RANBP17: variants seen among roughly 807,000 people sequenced by gnomAD.
RANBP17 encodes the protein ran-binding protein 17.
Under a neutral mutation model 141.2 loss-of-function variants are expected in RANBP17, and 158 were observed. That is an observed-to-expected ratio of 1.12 (90% CI 0.98 to 1.28). The LOEUF (loss-of-function observed/expected upper bound fraction) is 1.28, where lower values mean the gene tolerates loss of function less well. RANBP17 is among the 50% of genes most tolerant of loss of function. The pLI is 0.00. For synonymous variants in RANBP17, 430 were observed against 450.0 expected (o/e 0.96, Z 0.56); for missense variants, 1,438 against 1,290.7 (o/e 1.11, Z -1.75).
chr5:171,062,618 G>A (rs1280591512), intron 14 of RANBP17, among the ~76,000 whole-genome samples: 1 of 152,100 alleles, frequency 6.6e-6, no homozygotes, highest in Non-Finnish European at 1.5e-5. Flanking sequence ...CAACTTTGGT[G>A]AATCTGACAA....
chr5:171,114,520 A>C (rs1040393835), intron 14 of RANBP17, among the ~76,000 whole-genome samples: 1 of 151,794 alleles, frequency 6.6e-6, no homozygotes, highest in East Asian at 1.9e-4. Context: ...TTGGGTATAA[A>C]TGTTTATATT....
At chr5:171,298,166 C>T (rs184372565) in intron 27 of RANBP17, among the ~76,000 whole-genome samples, 1 of 152,172 alleles carries the variant, frequency 6.6e-6, no homozygotes, top group Admixed American at 6.5e-5. Context: ...CCTAAATTCT[C>T]ACTTTCTGCA....
intron 14 of RANBP17, among the ~76,000 whole-genome samples, chr5:170,988,287 ATT>A (rs575208341): frequency 6.9e-6 from 1 of 144,028 alleles, no homozygotes; most frequent in Non-Finnish European, 1.5e-5. Flanking sequence ...TTGATGATTG[ATT>A]TTTTTTTTTT....
At chr5:171,096,785 A>G (rs946781128) in intron 14 of RANBP17, among the ~76,000 whole-genome samples, 2 of 152,170 alleles carry the variant, frequency 1.3e-5, no homozygotes, top group Non-Finnish European at 2.9e-5. Flanking sequence ...GGTTCTTATT[A>G]ACTTTTCTGA....
chr5:170,919,087 CTA>C (rs1293973906), intron 10 of RANBP17, among the ~76,000 whole-genome samples: 1 of 151,506 alleles, frequency 6.6e-6, no homozygotes, highest in African/African-American at 2.4e-5. Flanking sequence ...ATAATAAAAT[CTA>C]TGTGAAGAAA....
At chr5:171,203,842 C>T (rs1471168973) in intron 19 of RANBP17, among the ~76,000 whole-genome samples, 1 of 152,102 alleles carries the variant, frequency 6.6e-6, no homozygotes, top group Non-Finnish European at 1.5e-5. Flanking sequence ...TTATTTGAAG[C>T]ATAGCCTGAA....
Position 170,873,369 on chromosome 5 carries a change from G to T in RANBP17, c.19-4728G>T, listed in dbSNP as rs144513824. Among the ~76,000 whole-genome samples the T allele has an allele frequency of 6.9e-3, 1,050 of 152,318 alleles. 3 individuals are homozygous for T. The highest frequency in any genetic ancestry group is 0.011 in the Non-Finnish European group (735 of 68,030). ...GGTTGATGCTGGCCTCATAAAATGA[G>T]TTAGGGAGGAGTCCCTCCTTTTCAG... On this transcript the variant is annotated intron_variant, in intron 1 of 27. Transcript: ENST00000523189.
At chr5:171,065,707 C>T (rs1437192919) in intron 14 of RANBP17, among the ~76,000 whole-genome samples, 1 of 151,688 alleles carries the variant, frequency 6.6e-6, no homozygotes, top group African/African-American at 2.4e-5. Flanking sequence ...ATATTTTATT[C>T]CATTGATTTG....
intron 14 of RANBP17, among the ~76,000 whole-genome samples, chr5:171,062,414 T>G (rs1385074791): frequency 2.0e-5 from 3 of 152,210 alleles, no homozygotes; most frequent in African/African-American, 4.8e-5. Context: ...CTCCTTCACT[T>G]ATGAAGCTTA....
intron 14 of RANBP17, among the ~76,000 whole-genome samples, chr5:171,163,903 G>A (rs1246038957): frequency 1.3e-5 from 2 of 152,134 alleles, no homozygotes; most frequent in African/African-American, 4.8e-5. Flanking sequence ...CTTAAACAAT[G>A]CACTAAAGCT....
chr5:171,123,283 G>A (rs562447595), intron 14 of RANBP17, among the ~76,000 whole-genome samples: 16 of 152,272 alleles, frequency 1.1e-4, no homozygotes, highest in Admixed American at 3.3e-4. Flanking sequence ...ACCCAAGGAC[G>A]TACCTGCCCT....
chr5:171,294,061 C>G, intron 26 of RANBP17, 80 bp downstream of exon 26: 1 of 1,055,258 alleles, frequency 9.5e-7, no homozygotes, highest in Non-Finnish European at 1.5e-6. Flanking sequence ...GCTGTGATGA[C>G]GAAGGACAGA....
At chr5:171,043,505 TA>T (rs1447245438) in intron 14 of RANBP17, among the ~76,000 whole-genome samples, 5 of 152,150 alleles carry the variant, frequency 3.3e-5, no homozygotes, top group African/African-American at 1.2e-4. Flanking sequence ...TCATAGGCCA[TA>T]TGCCATTCAT....
rs530958300 is a variant in RANBP17, at chr5:170,926,130, A to G, written c.1468+1580A>G. Among the ~76,000 whole-genome samples the G allele has an allele frequency of 3.9e-5, 6 of 152,274 alleles. No homozygotes were observed. In the South Asian group the frequency reaches 1.2e-3, roughly 32 times the overall value. ...CATCAATCTCTATCAGGAAGTGGCA[A>G]ACTTTTTCTTAAAGTGCCAAATAGT... On this transcript the variant is annotated intron_variant, in intron 12 of 27. Transcript: ENST00000523189.
chr5:170,937,119 T>C (rs1773946770), intron 12 of RANBP17, among the ~76,000 whole-genome samples: 1 of 152,254 alleles, frequency 6.6e-6, no homozygotes, highest in African/African-American at 2.4e-5. Context: ...GTTTAGTTCA[T>C]TTGCTAGGTG....
At chr5:170,862,254 C>G (rs1203356748) in intron 1 of RANBP17, among the ~76,000 whole-genome samples, 1 of 151,986 alleles carries the variant, frequency 6.6e-6, no homozygotes, top group Non-Finnish European at 1.5e-5. Flanking sequence ...GGCCGGAGCC[C>G]GAGAAAGGGG....
Position 170,913,267 on chromosome 5 carries a change from A to G in RANBP17, c.761-900A>G, listed in dbSNP as rs550544544. On this transcript the variant is annotated intron_variant, in intron 7 of 27. Transcript: ENST00000523189. ...GGCACTTCAACACAAGATGACAGTG[A>G]AAGACATAGAAAGGCTACAGTTGTA... is the stretch of plus-strand genomic sequence containing the variant. Among the ~76,000 whole-genome samples, 7 of 152,196 alleles carry G rather than the reference A, an allele frequency of 4.6e-5. No homozygotes were observed. The South Asian group carries it at 1.4e-3, about 32-fold the overall frequency.
At chr5:170,962,342 T>A (rs1416988179) in intron 13 of RANBP17, among the ~76,000 whole-genome samples, 1 of 152,212 alleles carries the variant, frequency 6.6e-6, no homozygotes, top group Non-Finnish European at 1.5e-5. Flanking sequence ...ATCACCAGCT[T>A]AAAATGAGTT....
At chr5:170,888,867 G>A (rs1769372385) in intron 3 of RANBP17, among the ~76,000 whole-genome samples, 1 of 151,944 alleles carries the variant, frequency 6.6e-6, no homozygotes, top group African/African-American at 2.4e-5. Flanking sequence ...TGAGAAAGTT[G>A]TCCTCTATTC....
Sources: allele counts gnomAD v4.1 joint callset (sites outside exome capture counted in the v4.1 genomes callset), GRCh38; gene constraint gnomAD v4.1.1; transcripts MANE v1.5; gene names NCBI Gene and HGNC (gene_info 2026-07-23, HGNC 2026-07-21).